Variants in ZNF638 observed in about 807,000 individuals in gnomAD.
ZNF638 encodes CTCL tumor antigen se33-1.
Under a neutral mutation model 195.6 loss-of-function variants are expected in ZNF638, and 46 were observed. The observed-to-expected ratio is 0.24, with a 90% CI of 0.19 to 0.30. The LOEUF is 0.30. ZNF638 is among the 10% of genes least tolerant of loss of function. The pLI is 1.00. For missense variants in ZNF638, 2,440 were observed against 2,325.3 expected, an observed-to-expected ratio of 1.05 and a Z score of -1.01; for synonymous variants, 845 against 772.0, an observed-to-expected ratio of 1.09 and a Z score of -1.57.
chr2:71,372,262 A>C (rs967073522), intron 8 of ZNF638, among the ~76,000 whole-genome samples: 1 of 152,116 alleles, frequency 6.6e-6, no homozygotes, highest in African/African-American at 2.4e-5. Flanking sequence ...AGGTTTACCT[A>C]GCACCCTGGA....
At chr2:71,337,404 C>T (rs2078688809) in intron 1 of ZNF638, among the ~76,000 whole-genome samples, 1 of 151,988 alleles carries the variant, frequency 6.6e-6, no homozygotes, top group Admixed American at 6.6e-5. Context: ...ATGAATTTCA[C>T]GTTTATAAAA....
rs769281317 is a variant in ZNF638, at chr2:71,428,590, A to G, written c.5589A>G (p.Pro1863=). ...GAGTTAGAATTGGGAAAACTCTGCC[A>G]TCAGAAAAAGCTGTTGTGACAGAAC... is the stretch of plus-strand genomic sequence containing the variant. ...TKRVRIGKTL[P]SEKAVVTEPA... Residue 1863 remains proline, a synonymous_variant, in exon 25 of 28, where the codon CCA becomes CCG. Coordinates refer to ENST00000264447, the MANE Select transcript of ZNF638 (RefSeq NM_014497.5). 3.5e-5 allele frequency: 57 copies of G among 1,614,006 alleles called. No homozygotes were observed. Among genetic ancestry groups the G allele is most frequent in the Non-Finnish European group, 4.3e-5 (51 of 1,180,004 alleles).
intron 1 of ZNF638, among the ~76,000 whole-genome samples, chr2:71,338,355 A>C (rs2078707370): frequency 6.6e-6 from 1 of 152,132 alleles, no homozygotes; most frequent in Admixed American, 6.6e-5. Context: ...TGATTAATTT[A>C]TTGCTATGTA....
intron 5 of ZNF638, 49 bp from the exon 6 acceptor site, chr2:71,365,380 C>G: frequency 7.0e-7 from 1 of 1,436,936 alleles, no homozygotes; most frequent in South Asian, 1.4e-5. Flanking sequence ...GAGATGGCTC[C>G]TACCTTAATT....
chr2:71,380,816 T>C lies in ZNF638; in HGVS notation c.2377+251T>C, dbSNP rs2079522987. ...ATAGCTATCGTAGTTCCACAGTTAA[T>C]AGCTGTTTTTTACATGTTTAGGTTA... On this transcript the variant is annotated intron_variant, in intron 10 of 27. Coordinates refer to ENST00000264447, the MANE Select transcript of ZNF638 (RefSeq NM_014497.5). 4 of 313,806 alleles carry C rather than the reference T, an allele frequency of 1.3e-5. No homozygotes were observed. The South Asian group carries it at 3.9e-4, about 31-fold the overall frequency. 19.4% of individuals were successfully genotyped at this position (313,806 alleles called of 1,614,324 possible).
intron 25 of ZNF638, among the ~76,000 whole-genome samples, chr2:71,429,520 G>C (rs1000584290): frequency 1.3e-5 from 2 of 151,962 alleles, no homozygotes; most frequent in South Asian, 4.2e-4. Context: ...CTTATATTTT[G>C]TTTTATACAC....
chr2:71,344,928 G>C (rs1385507417), intron 1 of ZNF638, among the ~76,000 whole-genome samples: 1 of 152,112 alleles, frequency 6.6e-6, no homozygotes, highest in Admixed American at 6.5e-5. Context: ...TAAAAATGTA[G>C]CTAACCTTTT....
intron 10 of ZNF638, chr2:71,388,633 T>A (rs766568841): frequency 1.2e-6 from 1 of 834,106 alleles, no homozygotes; most frequent in Admixed American, 1.7e-5. Flanking sequence ...AGTCGGTGGA[T>A]CAGACTCAGC....
rs374652791 is a variant in ZNF638, at chr2:71,397,638, C to G, written c.2429-1063C>G. Among the ~76,000 whole-genome samples the G allele has an allele frequency of 5.1e-4, 78 of 152,282 alleles. 1 individual carries two copies. The South Asian group carries it at 9.5e-3, about 19-fold the overall frequency. On this transcript the variant is annotated intron_variant, in intron 11 of 27. Coordinates refer to ENST00000264447, the MANE Select transcript of ZNF638 (RefSeq NM_014497.5). ...AAGCTTCTCAATAAAAATTGGAATT[C>G]AATTTAGATCTATTGATTTTTTATC...
At position 71,349,712 on chromosome 2, in the gene ZNF638, C is replaced by G. The variant is rs919807856; in HGVS notation, c.758C>G (p.Pro253Arg). The G allele has an allele frequency of 1.1e-5, 18 of 1,614,042 alleles. No homozygotes were observed. The highest frequency in any genetic ancestry group is 1.5e-5 in the Non-Finnish European group (18 of 1,180,028). Residue 253 changes from proline (P) to arginine (R), a missense_variant, in exon 2 of 28, where the codon CCC becomes CGC. Around this residue, in one of 5 missense-constraint regions of ZNF638, gnomAD observed 305 missense variants for 283.6 expected, o/e 1.08. Transcript: ENST00000264447. The stretch of plus-strand genomic sequence containing the variant: ...CAGCAGAACATTTCTGCATCTGTTC[C>G]CAATCCAAATGTGATATGTAATTCT... ...QSQQNISASV[P>R]NPNVICNSMF...
At chr2:71,430,539 C>T (rs1016752343) in intron 25 of ZNF638, among the ~76,000 whole-genome samples, 2 of 152,182 alleles carry the variant, frequency 1.3e-5, no homozygotes, top group African/African-American at 4.8e-5. Flanking sequence ...TGGTTCTAGC[C>T]TGTGTCACTC....
In ZNF638 at chr2:71,427,150, T is replaced by C; in HGVS notation, c.5281T>C (p.Ser1761Pro). ...TGAAGTAACTGAAGAGGATGAAGACTCTCTGGCGGATTTTAACAACCTTAA... is the reference window on the plus strand; with the variant it reads ...TGAAGTAACTGAAGAGGATGAAGACCCTCTGGCGGATTTTAACAACCTTAA... ...LDEVTEEDED[S>P]LADFNNLKEE... The change falls in exon 24 of 28, where the codon TCT (serine) becomes CCT (proline). Residue 1761 changes from serine to proline, a missense_variant. Physicochemically the swap from Ser to Pro is moderately conservative, Grantham distance 74 (BLOSUM62 -1). Coordinates refer to ENST00000264447, the MANE Select transcript of ZNF638 (RefSeq NM_014497.5). 2 of 1,612,822 alleles carry C rather than the reference T, an allele frequency of 1.2e-6. No individual in the cohort carries two copies. The highest frequency in any genetic ancestry group is 1.7e-6 in the Non-Finnish European group (2 of 1,179,620).
At chr2:71,428,433 T>G in intron 24 of ZNF638, 114 bp from the exon 25 acceptor site, 2 of 715,378 alleles carry the variant, frequency 2.8e-6, no homozygotes, top group Non-Finnish European at 2.3e-6. Flanking sequence ...CCCTCCCAAA[T>G]TTGGGTATTT....
chr2:71,356,714 A>C (rs554750485), intron 3 of ZNF638, among the ~76,000 whole-genome samples: 6 of 152,146 alleles, frequency 3.9e-5, no homozygotes, highest in African/African-American at 1.4e-4. Flanking sequence ...ACTTGAGTGC[A>C]GGAGATAGAA....
intron 20 of ZNF638, among the ~76,000 whole-genome samples, chr2:71,410,533 C>A (rs2080193309): frequency 6.6e-6 from 1 of 152,016 alleles, no homozygotes; most frequent in Non-Finnish European, 1.5e-5. Context: ...TTATCTAATT[C>A]CTTTTCTCTA....
intron 3 of ZNF638, among the ~76,000 whole-genome samples, chr2:71,361,434 C>T (rs1040547551): frequency 6.6e-5 from 10 of 152,144 alleles, no homozygotes; most frequent in African/African-American, 2.4e-4. Flanking sequence ...CATTAAATGA[C>T]AGCACCTATA....
intron 8 of ZNF638, among the ~76,000 whole-genome samples, chr2:71,371,877 T>A (rs949811592): frequency 6.6e-6 from 1 of 152,288 alleles, no homozygotes; most frequent in South Asian, 2.1e-4. Flanking sequence ...GTCTGTTGTT[T>A]CCTTTGCTCT....
chr2:71,414,001 T>A (rs1300943875), intron 20 of ZNF638, among the ~76,000 whole-genome samples: 3 of 101,704 alleles, frequency 2.9e-5, no homozygotes, highest in African/African-American at 1.2e-4. Context: ...ATAAAATGAG[T>A]TAGGGAGGAT....
Position 71,348,905 on chromosome 2 carries a change from G to T in ZNF638, c.-50G>T. On this transcript the variant is annotated 5_prime_UTR_variant, in exon 2 of 28. Transcript: ENST00000264447. ...CAGCTGAATGCCGTTGCCTCACATGGTTCAACACCACCTTATACTTTATTA... is the reference window on the plus strand; with the variant it reads ...CAGCTGAATGCCGTTGCCTCACATGTTTCAACACCACCTTATACTTTATTA... 1 of 1,614,038 alleles carries T rather than the reference G, an allele frequency of 6.2e-7. No homozygotes were observed. Among genetic ancestry groups the T allele is most frequent in the Non-Finnish European group, 8.5e-7 (1 of 1,180,008 alleles).
Sources: allele counts gnomAD v4.1 joint callset (sites outside exome capture counted in the v4.1 genomes callset), GRCh38; gene constraint gnomAD v4.1.1; regional missense constraint gnomAD v4.1.1; transcripts MANE v1.5; gene names NCBI Gene and HGNC (gene_info 2026-07-23, HGNC 2026-07-21).